Variants in DSCAM observed in about 807,000 individuals in gnomAD.
The protein encoded by DSCAM is cell adhesion molecule DSCAM.
Under a neutral mutation model 217.7 loss-of-function variants are expected in DSCAM, and 47 were observed. That is an observed-to-expected ratio of 0.22 (90% confidence interval 0.17 to 0.28). The LOEUF (loss-of-function observed/expected upper bound fraction) is 0.28. Ranked by LOEUF, DSCAM falls within the 10% of genes least tolerant of loss-of-function variation. The pLI is 1.00. For synonymous variants in DSCAM, 1,056 were observed against 1,015.3 expected (o/e 1.04, Z -0.76); for missense variants, 2,080 against 2,618.3 (o/e 0.79, Z 4.49).
At chr21:40,518,539 TATGTACACACACA>T in intron 3 of DSCAM, among the ~76,000 whole-genome samples, 1 of 72,206 alleles carries the variant, frequency 1.4e-5, no homozygotes, top group African/African-American at 6.8e-5. Flanking sequence ...TATATATATA[TATGTACACACACA>T]TATACACACA....
At chr21:40,740,043 A>G (rs2091108925) in intron 1 of DSCAM, among the ~76,000 whole-genome samples, 1 of 141,088 alleles carries the variant, frequency 7.1e-6, no homozygotes, top group African/African-American at 2.6e-5. Flanking sequence ...ACCTGGGAAC[A>G]TGTGACAACA....
intron 3 of DSCAM, among the ~76,000 whole-genome samples, chr21:40,525,887 A>T (rs1385938392): frequency 6.6e-6 from 1 of 152,118 alleles, no homozygotes; most frequent in Non-Finnish European, 1.5e-5. Flanking sequence ...CAGAGCATGA[A>T]CAGACCTCAG....
chr21:40,407,265 G>A (rs77083460), intron 3 of DSCAM, among the ~76,000 whole-genome samples: 2,228 of 152,184 alleles, frequency 0.015, 70 homozygotes, highest in African/African-American at 0.051. Flanking sequence ...AGCATGTTGT[G>A]CAACATAAGT....
chr21:40,676,800 A>AC (rs1555879322), intron 3 of DSCAM, among the ~76,000 whole-genome samples: 1 of 152,030 alleles, frequency 6.6e-6, no homozygotes, highest in Non-Finnish European at 1.5e-5. Context: ...GGCAATACAG[A>AC]TTTTTTTTAA....
chr21:40,364,680 A>T (rs9980241), intron 4 of DSCAM, among the ~76,000 whole-genome samples: 83,035 of 143,350 alleles, frequency 0.58, 24,579 homozygotes, highest in East Asian at 0.71. Flanking sequence ...AAGTACAATT[A>T]AAAAAAAGTG....
At chr21:40,432,323 T>A in intron 3 of DSCAM, among the ~76,000 whole-genome samples, 1 of 152,186 alleles carries the variant, frequency 6.6e-6, no homozygotes. Context: ...GAGAATCTGT[T>A]CCTTGCCTCT....
At chr21:40,749,937 C>T (rs896482349) in intron 1 of DSCAM, among the ~76,000 whole-genome samples, 3 of 146,642 alleles carry the variant, frequency 2.0e-5, no homozygotes, top group East Asian at 4.0e-4. Context: ...CTTTCTTCTT[C>T]TTTTTTTTTT....
intron 3 of DSCAM, among the ~76,000 whole-genome samples, chr21:40,610,614 C>T (rs538100415): frequency 1.3e-5 from 2 of 152,308 alleles, no homozygotes; most frequent in African/African-American, 2.4e-5. Flanking sequence ...AATAAAAATG[C>T]ACTTCCATAG....
chr21:40,194,877 T>C (rs77610125), intron 11 of DSCAM, among the ~76,000 whole-genome samples: 2,151 of 152,236 alleles, frequency 0.014, 46 homozygotes, highest in African/African-American at 0.049. Context: ...ACCACTGAAA[T>C]TGGCGAGTGC....
intron 3 of DSCAM, among the ~76,000 whole-genome samples, chr21:40,682,642 A>G (rs2090416955): frequency 2.5e-5 from 2 of 78,652 alleles, no homozygotes; most frequent in Non-Finnish European, 5.3e-5. Context: ...AGAAAGAAAG[A>G]GGAAGGGAAG....
intron 4 of DSCAM, among the ~76,000 whole-genome samples, chr21:40,364,715 C>A (rs1021961646): frequency 6.8e-6 from 1 of 146,076 alleles, no homozygotes; most frequent in East Asian, 2.0e-4. Flanking sequence ...TATACACACA[C>A]AGTAGTATAT....
At chr21:40,265,494 A>C (rs923421670) in intron 11 of DSCAM, among the ~76,000 whole-genome samples, 2 of 151,280 alleles carry the variant, frequency 1.3e-5, no homozygotes, top group African/African-American at 4.9e-5. Flanking sequence ...AAAAAAAAAA[A>C]CATAAAATTC....
intron 4 of DSCAM, 49 bp downstream of exon 4, chr21:40,369,050 T>G (rs973594833): frequency 4.6e-6 from 7 of 1,533,804 alleles, no homozygotes; most frequent in Non-Finnish European, 5.3e-6. Flanking sequence ...CTCAGGACAC[T>G]AACAAAGAAA....
intron 3 of DSCAM, among the ~76,000 whole-genome samples, chr21:40,467,292 T>C (rs1249755124): frequency 2.6e-5 from 4 of 152,226 alleles, no homozygotes; most frequent in Admixed American, 6.5e-5. Context: ...ATATACACAA[T>C]GATTTAATCC....
chr21:40,478,648 T>C (rs1479861659), intron 3 of DSCAM, among the ~76,000 whole-genome samples: 1 of 152,194 alleles, frequency 6.6e-6, no homozygotes, highest in Non-Finnish European at 1.5e-5. Context: ...CAAAGAACTA[T>C]AAATCTAACA....
At chr21:40,163,392 C>A (rs1056112449) in intron 16 of DSCAM, among the ~76,000 whole-genome samples, 1 of 152,158 alleles carries the variant, frequency 6.6e-6, no homozygotes, top group Non-Finnish European at 1.5e-5. Context: ...TATTTGCTTA[C>A]ACAAATCCTT....
chr21:40,013,252 T>C lies in DSCAM; in HGVS notation c.5821A>G (p.Thr1941Ala), dbSNP rs926009913. The C allele has an allele frequency of 6.2e-7, 1 of 1,613,892 alleles. No individual in the cohort carries two copies. The highest frequency in any genetic ancestry group is 8.5e-7 in the Non-Finnish European group (1 of 1,179,928). Residue 1941 changes from threonine (T) to alanine (A), a missense_variant, in exon 33 of 33, where the codon ACG becomes GCG. Transcript: ENST00000400454. Reference sequence around the variant, plus strand: ...TCCATCGGGATGGGCTCCAGGACCGTGGGGCGCTTCAGGGTCCGGCTTTTC... The same window carrying C: ...TCCATCGGGATGGGCTCCAGGACCGCGGGGCGCTTCAGGGTCCGGCTTTTC... Reference protein sequence around the residue: ...PQKSRTLKRPTVLEPIPMEAA... With the variant: ...PQKSRTLKRPAVLEPIPMEAA...
chr21:40,804,035 A>G (rs2091765062), intron 1 of DSCAM, among the ~76,000 whole-genome samples: 2 of 151,564 alleles, frequency 1.3e-5, no homozygotes, highest in South Asian at 4.2e-4. Flanking sequence ...ATAGCTAAAA[A>G]TCCTTTAAAC....
chr21:40,230,121 A>G (rs2091368567), intron 11 of DSCAM, among the ~76,000 whole-genome samples: 1 of 152,228 alleles, frequency 6.6e-6, no homozygotes, highest in Non-Finnish European at 1.5e-5. Context: ...ACTTGTCATC[A>G]TATGTTCATA....
Sources: allele counts gnomAD v4.1 joint callset (sites outside exome capture counted in the v4.1 genomes callset), GRCh38; gene constraint gnomAD v4.1.1; transcripts MANE v1.5; gene names NCBI Gene and HGNC (gene_info 2026-07-23, HGNC 2026-07-21).